The following TG variants were observed in gnomAD, a reference collection of about 807,000 sequenced individuals.
TG encodes thyroglobulin, also known as thyroid hormones.
TG carries 270 observed loss-of-function variants against 324.7 expected under a neutral mutation model. The observed-to-expected ratio is 0.83, with a 90% CI of 0.75 to 0.92. The LOEUF (loss-of-function observed/expected upper bound fraction) is 0.92. Ranked by LOEUF, TG falls within the 40% of genes least tolerant of loss-of-function variation. TG has a pLI of 0.00. For missense variants in TG, 3,591 were observed against 3,456.4 expected, an observed-to-expected ratio of 1.04 and a Z score of -0.98; for synonymous variants, 1,401 against 1,327.0, an observed-to-expected ratio of 1.06 and a Z score of -1.21.
At chr8:132,934,114 C>G (rs913558020) in intron 24 of TG, among the ~76,000 whole-genome samples, 12 of 152,136 alleles carry the variant, frequency 7.9e-5, no homozygotes, top group Non-Finnish European at 1.5e-4. Context: ...GGGTGGATCA[C>G]TTAAGGTCAG....
chr8:133,012,551 A>G (rs1404345805), intron 36 of TG, among the ~76,000 whole-genome samples: 1 of 152,248 alleles, frequency 6.6e-6, no homozygotes, highest in Non-Finnish European at 1.5e-5. Context: ...ATTTAAACAA[A>G]AGCTAGGTAA....
intron 26 of TG, among the ~76,000 whole-genome samples, chr8:132,946,439 A>G (rs1054344317): frequency 1.3e-5 from 2 of 152,208 alleles, no homozygotes; most frequent in Admixed American, 6.5e-5. Flanking sequence ...CACATAAAGT[A>G]TCGGGCAGAT....
intron 18 of TG, 137 bp downstream of exon 18, chr8:132,908,477 G>A (rs1819015787): frequency 3.6e-6 from 1 of 279,792 alleles, no homozygotes; most frequent in East Asian, 5.9e-5. Context: ...AACTAATAGT[G>A]AATTCTCTTG....
chr8:132,910,430 T>C (rs1422065433), intron 18 of TG, among the ~76,000 whole-genome samples: 3 of 152,230 alleles, frequency 2.0e-5, no homozygotes, highest in African/African-American at 7.2e-5. Flanking sequence ...TTGGGCTTTA[T>C]GTAAACTCTC....
chr8:132,906,861 C>T lies in TG; in HGVS notation c.3808C>T (p.Arg1270Cys), dbSNP rs754517497. ...ATTGATATGTAGCCTGGAGAGCGGA[C>T]GCTGGGAGTCACAGCTGCCTCAGCC... The part of the protein sequence containing the change: ...GPLICSLESG[R>C]WESQLPQPRA... Residue 1270 changes from arginine to cysteine, a missense_variant, in exon 17 of 48, where the codon CGC (arginine) becomes TGC (cysteine). Arg to Cys is a radical substitution (Grantham distance 180, BLOSUM62 -3). Transcript: ENST00000220616. 70 of 1,613,556 alleles carry T rather than the reference C, an allele frequency of 4.3e-5. No individual in the cohort carries two copies. The East Asian group carries it at 5.3e-4, about 12-fold the overall frequency.
chr8:132,911,486 G>A lies in TG; in HGVS notation c.4112G>A (p.Arg1371Gln), dbSNP rs773941678. ...GGAGTGAATGTTACATGGAAATCAC[G>A]GCTTGAGGACATCCCAGTGGCTTCT... ...RLGVNVTWKS[R>Q]LEDIPVASLP... is the part of the protein sequence containing the mutation. The change falls in exon 19 of 48, where the codon CGG becomes CAG. Residue 1371 changes from arginine (R) to glutamine (Q), a missense_variant. Coordinates refer to ENST00000220616, the MANE Select transcript of TG (RefSeq NM_003235.5). The A allele has an allele frequency of 1.7e-5, 27 of 1,614,050 alleles. No individual in the cohort carries two copies. Among genetic ancestry groups the A allele is most frequent in the Middle Eastern group, 1.6e-4 (1 of 6,084 alleles).
chr8:133,057,708 C>T (rs1841698108), intron 41 of TG, among the ~76,000 whole-genome samples: 1 of 149,456 alleles, frequency 6.7e-6, no homozygotes, highest in Admixed American at 6.7e-5. Context: ...AGGTTTAAGA[C>T]ATTAGTTCCT....
Position 132,969,460 on chromosome 8 carries a change from A to G in TG, c.5866A>G (p.Ile1956Val), listed in dbSNP as rs1426755775. Reference protein sequence around the residue: ...MPKALFRKKVILEDKVKNFYT... With the variant: ...MPKALFRKKVVLEDKVKNFYT... ...ATTTTCTTTCTTCCTCTATGAAGTT[A>G]TACTGGAAGATAAAGTGAAGAACTT... Residue 1956 changes from isoleucine to valine, a missense_variant and splice_region_variant, in exon 32 of 48, where the codon ATA becomes GTA. Coordinates refer to ENST00000220616, the MANE Select transcript of TG (RefSeq NM_003235.5). 2 of 1,606,208 alleles carry G rather than the reference A, an allele frequency of 1.2e-6. No homozygotes were observed. Among genetic ancestry groups the G allele is most frequent in the Admixed American group, 1.7e-5 (1 of 59,986 alleles).
chr8:133,011,037 G>A (rs1297014339), intron 35 of TG, among the ~76,000 whole-genome samples: 1 of 152,196 alleles, frequency 6.6e-6, no homozygotes, highest in Admixed American at 6.5e-5. Flanking sequence ...GGGGTTTTCC[G>A]AGAAGCAGAC....
chr8:132,971,798 T>C lies in TG; in HGVS notation c.5980T>C (p.Phe1994Leu), dbSNP rs971546113. 3.1e-6 allele frequency: 5 copies of C among 1,612,632 alleles called. No individual in the cohort carries two copies. The highest frequency in any genetic ancestry group is 4.2e-6 in the Non-Finnish European group (5 of 1,178,766). The change falls in exon 33 of 48, where the codon TTT becomes CTT. Residue 1994 changes from phenylalanine to leucine, a missense_variant. Physicochemically the swap from Phe to Leu is conservative, Grantham distance 22. Transcript: ENST00000220616. ...MSEKSISNGF[F>L]ECERRCDADP... ...CTCTTTCTCTTCCTATGCCAGGTTC[T>C]TTGAATGTGAACGACGGTGCGATGC...
At chr8:132,914,425 C>A (rs1197344512) in intron 20 of TG, among the ~76,000 whole-genome samples, 1 of 152,208 alleles carries the variant, frequency 6.6e-6, no homozygotes, top group African/African-American at 2.4e-5. Flanking sequence ...TTTCTGAAAT[C>A]TATGCCAAAT....
chr8:132,951,616 A>G (rs1563995340), intron 27 of TG, among the ~76,000 whole-genome samples: 2 of 152,050 alleles, frequency 1.3e-5, no homozygotes, highest in South Asian at 2.1e-4. Context: ...TCAGTGCCCT[A>G]TATGTGTGTG....
At chr8:133,044,662 C>A (rs1259072290) in intron 41 of TG, among the ~76,000 whole-genome samples, 4 of 152,112 alleles carry the variant, frequency 2.6e-5, no homozygotes, top group Non-Finnish European at 4.4e-5. Flanking sequence ...TATAACAAAG[C>A]CCCAGAGGCT....
intron 1 of TG, 85 bp from the exon 2 acceptor site, chr8:132,868,030 A>G: frequency 8.0e-7 from 1 of 1,243,432 alleles, no homozygotes; most frequent in Admixed American, 1.7e-5. Flanking sequence ...TGACCCTGGA[A>G]AAGCATCTGT....
intron 34 of TG, among the ~76,000 whole-genome samples, chr8:132,976,998 C>G (rs1830252659): frequency 6.6e-6 from 1 of 152,116 alleles, no homozygotes; most frequent in African/African-American, 2.4e-5. Context: ...CCATGTGGAC[C>G]AGTAAGAAAC....
intron 39 of TG, among the ~76,000 whole-genome samples, chr8:133,020,522 C>A (rs1324189122): frequency 6.6e-6 from 1 of 152,148 alleles, no homozygotes; most frequent in African/African-American, 2.4e-5. Flanking sequence ...GAGGGGGACA[C>A]AGGGCCCCTT....
chr8:133,093,967 C>T lies in TG; in HGVS notation c.7240-1077C>T, dbSNP rs548071518. The stretch of plus-strand genomic sequence containing the variant: ...CCACAGTGGTTGCTATTATTTCCAT[C>T]AGTGGCAGTAGCAGGGGTAAGAGCA... On this transcript the variant is annotated intron_variant, in intron 41 of 47. Transcript: ENST00000220616. Among the ~76,000 whole-genome samples, 32 of 152,312 alleles carry T rather than the reference C, an allele frequency of 2.1e-4. No individual in the cohort carries two copies. In the East Asian group the frequency reaches 5.6e-3, roughly 27 times the overall value.
At position 132,906,739 on chromosome 8, in the gene TG, T is replaced by C. The variant is rs751201719; in HGVS notation, c.3686T>C (p.Ile1229Thr). Residue 1229 changes from isoleucine to threonine, a missense_variant, in exon 17 of 48, where the codon ATC (isoleucine) becomes ACC (threonine). By Grantham distance (89) the Ile-to-Thr change is moderately conservative. Coordinates refer to ENST00000220616, the MANE Select transcript of TG (RefSeq NM_003235.5). ...GCGTCGGAGGTGGTTGGTGGAACAA[T>C]CCTGTGTGAGACAATCTCGGGCCCC... ...FNASEVVGGT[I>T]LCETISGPTG... 3 of 1,614,078 alleles carry C rather than the reference T, an allele frequency of 1.9e-6. No homozygotes were observed. In the South Asian group the frequency reaches 3.3e-5, roughly 18 times the overall value.
At chr8:132,973,050 G>T (rs1399441159) in intron 34 of TG, among the ~76,000 whole-genome samples, 1 of 152,102 alleles carries the variant, frequency 6.6e-6, no homozygotes, top group Non-Finnish European at 1.5e-5. Flanking sequence ...TGCTCCATAG[G>T]GTTTAGTGGT....
Sources: gnomAD v4.1 joint callset for allele counts (sites outside exome capture counted in the v4.1 genomes callset) on GRCh38, gnomAD v4.1.1 for gene constraint, MANE v1.5 for transcripts, NCBI Gene and HGNC (gene_info 2026-07-23, HGNC 2026-07-21) for gene names.